The following ARHGAP15 variants were observed in gnomAD, a reference collection of about 807,000 sequenced individuals.
ARHGAP15 encodes rho GTPase-activating protein 15.
ARHGAP15 carries 51 observed loss-of-function variants against 63.7 expected under a neutral mutation model. The observed-to-expected ratio is 0.80, with a 90% CI of 0.64 to 1.01. ARHGAP15 has a LOEUF of 1.01. ARHGAP15 is among the 50% of genes least tolerant of loss of function. ARHGAP15 has a pLI of 0.00. For synonymous variants in ARHGAP15, 191 were observed against 193.8 expected (o/e 0.99, Z 0.12); for missense variants, 560 against 564.6 (o/e 0.99, Z 0.08).
chr2:143,248,238 T>G (rs942691482), intron 5 of ARHGAP15, among the ~76,000 whole-genome samples: 3 of 151,972 alleles, frequency 2.0e-5, no homozygotes, highest in African/African-American at 7.3e-5. Flanking sequence ...TCTGACAAGG[T>G]GACATTTAAC....
chr2:143,147,968 G>A (rs780424445), intron 1 of ARHGAP15, among the ~76,000 whole-genome samples: 3 of 151,998 alleles, frequency 2.0e-5, no homozygotes, highest in East Asian at 3.9e-4. Flanking sequence ...AAGTATCTTA[G>A]AAAGGGGTTA....
At chr2:143,280,180 GAT>G (rs1681770929) in intron 6 of ARHGAP15, among the ~76,000 whole-genome samples, 2 of 152,138 alleles carry the variant, frequency 1.3e-5, no homozygotes, top group African/African-American at 4.8e-5. Flanking sequence ...CTTTTAAAAA[GAT>G]AAAATTTCTT....
At chr2:143,506,895 TAAAA>T (rs1693349989) in intron 9 of ARHGAP15, among the ~76,000 whole-genome samples, 1 of 152,124 alleles carries the variant, frequency 6.6e-6, no homozygotes, top group Non-Finnish European at 1.5e-5. Flanking sequence ...CCTTAAAAAA[TAAAA>T]ACATTCTTTA....
chr2:143,512,498 T>C (rs922143045), intron 9 of ARHGAP15, among the ~76,000 whole-genome samples: 1 of 152,202 alleles, frequency 6.6e-6, no homozygotes, highest in African/African-American at 2.4e-5. Context: ...GCAAAACCAA[T>C]TGATATCTAC....
At chr2:143,664,237 C>A (rs1056406916) in intron 12 of ARHGAP15, among the ~76,000 whole-genome samples, 2 of 152,164 alleles carry the variant, frequency 1.3e-5, no homozygotes, top group Non-Finnish European at 1.5e-5. Flanking sequence ...ACAGTGCAAT[C>A]AAACTAGAAC....
At chr2:143,656,875 C>A (rs1305370882) in intron 12 of ARHGAP15, among the ~76,000 whole-genome samples, 1 of 150,734 alleles carries the variant, frequency 6.6e-6, no homozygotes, top group African/African-American at 2.4e-5. Flanking sequence ...GTCACAAAGA[C>A]CTCCCTTCTG....
intron 1 of ARHGAP15, among the ~76,000 whole-genome samples, chr2:143,147,988 C>A (rs1021623071): frequency 3.3e-5 from 5 of 151,988 alleles, no homozygotes; most frequent in Non-Finnish European, 5.9e-5. Flanking sequence ...ATACCTTAAA[C>A]AAAATCATCA....
chr2:143,574,039 G>T (rs980275005), intron 11 of ARHGAP15, among the ~76,000 whole-genome samples: 1 of 152,172 alleles, frequency 6.6e-6, no homozygotes, highest in Non-Finnish European at 1.5e-5. Context: ...ACCAAGGATG[G>T]TTTCTAGACT....
chr2:143,701,955 C>A (rs1379473202), intron 12 of ARHGAP15, among the ~76,000 whole-genome samples: 1 of 152,174 alleles, frequency 6.6e-6, no homozygotes, highest in Non-Finnish European at 1.5e-5. Flanking sequence ...GAAGGCCTGA[C>A]CAACCCTGTC....
At chr2:143,703,572 A>G in intron 13 of ARHGAP15, 48 bp downstream of exon 13, 1 of 1,425,896 alleles carries the variant, frequency 7.0e-7, no homozygotes, top group Non-Finnish European at 9.7e-7. Context: ...TCATTTCCTA[A>G]ATGGGCAATA....
At chr2:143,386,835 G>GT (rs1301902096) in intron 6 of ARHGAP15, among the ~76,000 whole-genome samples, 1 of 140,992 alleles carries the variant, frequency 7.1e-6, no homozygotes, top group East Asian at 3.1e-4. Context: ...GTTGTTGGTT[G>GT]TTTATTTTTT....
At chr2:143,489,969 G>A (rs926210814) in intron 9 of ARHGAP15, among the ~76,000 whole-genome samples, 1 of 152,042 alleles carries the variant, frequency 6.6e-6, no homozygotes, top group Non-Finnish European at 1.5e-5. Flanking sequence ...ATTCTGCAGC[G>A]ACATGTCAGT....
chr2:143,494,826 T>C (rs1425980172), intron 9 of ARHGAP15, among the ~76,000 whole-genome samples: 1 of 152,186 alleles, frequency 6.6e-6, no homozygotes, highest in South Asian at 2.1e-4. Flanking sequence ...TCAAATATCA[T>C]ATATTTTCAA....
chr2:143,163,961 G>A (rs1322160923), intron 2 of ARHGAP15, among the ~76,000 whole-genome samples: 2 of 152,054 alleles, frequency 1.3e-5, no homozygotes, highest in Non-Finnish European at 2.9e-5. Flanking sequence ...CCTCTCCTAG[G>A]TGGAAGGAAA....
chr2:143,255,298 A>G (rs1489924070), intron 6 of ARHGAP15, among the ~76,000 whole-genome samples: 1 of 152,018 alleles, frequency 6.6e-6, no homozygotes, highest in African/African-American at 2.4e-5. Flanking sequence ...TGTAACCTCA[A>G]CAAATATCAT....
intron 6 of ARHGAP15, among the ~76,000 whole-genome samples, chr2:143,385,605 A>G (rs1216887670): frequency 2.6e-5 from 4 of 152,134 alleles, no homozygotes; most frequent in Non-Finnish European, 4.4e-5. Flanking sequence ...GTGGAATTAT[A>G]GTAGTAATTC....
intron 8 of ARHGAP15, among the ~76,000 whole-genome samples, chr2:143,475,720 G>C (rs1463209790): frequency 6.6e-6 from 1 of 152,240 alleles, no homozygotes; most frequent in East Asian, 1.9e-4. Flanking sequence ...AGGGTGCCCA[G>C]AGCAGCCATC....
chr2:143,717,979 G>A (rs1045554552), intron 13 of ARHGAP15, among the ~76,000 whole-genome samples: 3 of 152,006 alleles, frequency 2.0e-5, no homozygotes, highest in Non-Finnish European at 4.4e-5. Flanking sequence ...CCGTGACAAG[G>A]TGCTGACAAG....
intron 4 of ARHGAP15, among the ~76,000 whole-genome samples, chr2:143,219,376 C>G (rs1031057670): frequency 2.0e-5 from 3 of 152,182 alleles, no homozygotes; most frequent in Non-Finnish European, 4.4e-5. Flanking sequence ...CACAGTGACA[C>G]AATCACCTAA....
Sources: allele counts gnomAD v4.1 joint callset (sites outside exome capture counted in the v4.1 genomes callset), GRCh38; gene constraint gnomAD v4.1.1; transcripts MANE v1.5; gene names NCBI Gene and HGNC (gene_info 2026-07-23, HGNC 2026-07-21).